Variants in MEIS1 observed in about 807,000 individuals in gnomAD.
MEIS1 encodes Meis homeobox 1, also known as homeobox protein Meis1.
MEIS1 carries 5 observed loss-of-function variants against 50.8 expected under a neutral mutation model. That is an observed-to-expected ratio of 0.10 (90% CI 0.05 to 0.21). MEIS1 has a LOEUF of 0.21. MEIS1 is among the 10% of genes least tolerant of loss of function. The pLI is 1.00. For synonymous variants in MEIS1, 176 were observed against 179.3 expected, an observed-to-expected ratio of 0.98 and a Z score of 0.15; for missense variants, 318 against 517.3, an observed-to-expected ratio of 0.61 and a Z score of 3.74.
At chr2:66,540,863 T>C (rs1012610134) in intron 8 of MEIS1, among the ~76,000 whole-genome samples, 3 of 152,230 alleles carry the variant, frequency 2.0e-5, no homozygotes, top group East Asian at 3.9e-4. Flanking sequence ...TTTATAAATT[T>C]GTAAGCAACT....
chr2:66,554,798 C>T (rs1675014310), intron 9 of MEIS1, among the ~76,000 whole-genome samples: 1 of 151,932 alleles, frequency 6.6e-6, no homozygotes. Context: ...GATAAGGAGA[C>T]AAACAGAGAA....
intron 6 of MEIS1, 72 bp from the exon 7 acceptor site, chr2:66,464,034 CATT>C (rs1439206184): frequency 9.4e-7 from 1 of 1,067,902 alleles, no homozygotes; most frequent in African/African-American, 1.6e-5. Flanking sequence ...ATGGCTTTGT[CATT>C]ATGCCATGGG....
intron 7 of MEIS1, among the ~76,000 whole-genome samples, chr2:66,472,379 T>C (rs1214987818): frequency 1.3e-5 from 2 of 152,312 alleles, no homozygotes; most frequent in East Asian, 3.9e-4. Flanking sequence ...TCATGAGTTG[T>C]GTTTAAGCGG....
At chr2:66,454,532 G>T (rs1322374299) in intron 6 of MEIS1, among the ~76,000 whole-genome samples, 3 of 151,904 alleles carry the variant, frequency 2.0e-5, no homozygotes, top group Non-Finnish European at 4.4e-5. Flanking sequence ...TCATGCTGAG[G>T]TCTTGTTGCT....
In MEIS1 at chr2:66,512,221, G is replaced by C; in HGVS notation, c.815G>C (p.Arg272Pro). 6.2e-7 allele frequency: 1 copy of C among 1,612,514 alleles called. No individual in the cohort carries two copies. The highest frequency in any genetic ancestry group is 8.5e-7 in the Non-Finnish European group (1 of 1,179,394). Residue 272 changes from arginine to proline, a missense_variant, in exon 8 of 13, where the codon CGT (arginine) becomes CCT (proline). This residue lies in a region of MEIS1 where 40 missense variants were observed against 102.8 expected (regional missense o/e 0.39). Transcript: ENST00000272369. ...GATGACCCTGATAAGGACAAAAAGC[G>C]TCACAAAAAGCGTGGCATCTTTCCC... ...DDDDPDKDKK[R>P]HKKRGIFPKV... is the part of the protein sequence containing the mutation.
chr2:66,501,695 A>G (rs1226637522), intron 7 of MEIS1, among the ~76,000 whole-genome samples: 1 of 152,126 alleles, frequency 6.6e-6, no homozygotes, highest in Admixed American at 6.5e-5. Flanking sequence ...TTCCTGGTGT[A>G]TGTTGTATGT....
intron 8 of MEIS1, among the ~76,000 whole-genome samples, chr2:66,531,375 GTC>G (rs1360652947): frequency 6.6e-6 from 1 of 152,232 alleles, no homozygotes; most frequent in Admixed American, 6.5e-5. Context: ...CTCATGTGAA[GTC>G]TCTGTTTAAA....
chr2:66,564,771 G>T, intron 9 of MEIS1, among the ~76,000 whole-genome samples: 1 of 150,946 alleles, frequency 6.6e-6, no homozygotes, highest in East Asian at 2.0e-4. Flanking sequence ...TGTGCACAAC[G>T]TGCAGGTTTG....
chr2:66,494,610 C>T (rs1171234638), intron 7 of MEIS1, among the ~76,000 whole-genome samples: 1 of 152,180 alleles, frequency 6.6e-6, no homozygotes, highest in South Asian at 2.1e-4. Context: ...AGCTATAATT[C>T]GCACATGGAA....
rs532646932 is a variant in MEIS1 at position 66,514,391 on chromosome 2, C to T, written c.888+2097C>T. Among the ~76,000 whole-genome samples the T allele has an allele frequency of 2.6e-5, 4 of 152,314 alleles. No homozygotes were observed. In the South Asian group the frequency reaches 8.3e-4, roughly 32 times the overall value. On this transcript the variant is annotated intron_variant, in intron 8 of 12. Transcript: ENST00000272369. Reference sequence around the variant, plus strand: ...CTTTCTAACAGCCCGCATGATTTTACATGCATTGCATTGCTTATATGGACT... The same window carrying T: ...CTTTCTAACAGCCCGCATGATTTTATATGCATTGCATTGCTTATATGGACT...
chr2:66,521,153 A>G (rs964420498), intron 8 of MEIS1, among the ~76,000 whole-genome samples: 3 of 152,192 alleles, frequency 2.0e-5, no homozygotes, highest in African/African-American at 7.2e-5. Context: ...ATCTGTTGAT[A>G]TTTTGTGACA....
intron 8 of MEIS1, among the ~76,000 whole-genome samples, chr2:66,521,429 T>C (rs550196891): frequency 3.8e-4 from 58 of 152,118 alleles, no homozygotes; most frequent in Non-Finnish European, 6.8e-4. Context: ...TTTATGGAGA[T>C]AGAGGAAACT....
chr2:66,552,438 G>C (rs1286177892), intron 9 of MEIS1, among the ~76,000 whole-genome samples: 1 of 152,138 alleles, frequency 6.6e-6, no homozygotes, highest in Non-Finnish European at 1.5e-5. Flanking sequence ...TTTATATATA[G>C]AGAAAAATTA....
intron 7 of MEIS1, among the ~76,000 whole-genome samples, chr2:66,478,970 A>G (rs575508276): frequency 7.9e-5 from 12 of 152,348 alleles, no homozygotes; most frequent in African/African-American, 2.9e-4. Flanking sequence ...AATGGTGGGA[A>G]TTGTCTGGCA....
intron 8 of MEIS1, among the ~76,000 whole-genome samples, chr2:66,521,576 A>G (rs990589640): frequency 4.6e-5 from 7 of 152,182 alleles, no homozygotes; most frequent in Non-Finnish European, 1.0e-4. Flanking sequence ...AGCTAGTAAT[A>G]ACCAGAATCC....
At chr2:66,556,359 G>T (rs1180463382) in intron 9 of MEIS1, among the ~76,000 whole-genome samples, 1 of 152,134 alleles carries the variant, frequency 6.6e-6, no homozygotes. Flanking sequence ...GTTGAAGAAG[G>T]GGAAAAGTAT....
At chr2:66,536,938 G>A (rs1459490690) in intron 8 of MEIS1, among the ~76,000 whole-genome samples, 1 of 152,126 alleles carries the variant, frequency 6.6e-6, no homozygotes, top group Non-Finnish European at 1.5e-5. Context: ...ACAAAGGGGG[G>A]AAATCATTAA....
rs1675507035 is a variant in MEIS1 at position 66,572,585 on chromosome 2, C to A, written c.*1377C>A. The A allele has an allele frequency of 6.6e-6, 1 of 151,900 alleles. No individual in the cohort carries two copies. Among genetic ancestry groups the A allele is most frequent in the Non-Finnish European group, 1.5e-5 (1 of 68,010 alleles). 9.4% of individuals were successfully genotyped at this position (151,900 alleles called of 1,614,324 possible). On this transcript the variant is annotated 3_prime_UTR_variant, in exon 13 of 13. Transcript: ENST00000272369. The stretch of plus-strand genomic sequence containing the variant: ...TGGATAAACAAATGCTTGTTGATAG[C>A]CTTTTTCTATCAAGAAACCAAGGAG...
At chr2:66,520,522 A>G (rs1227182548) in intron 8 of MEIS1, among the ~76,000 whole-genome samples, 1 of 152,046 alleles carries the variant, frequency 6.6e-6, no homozygotes, top group African/African-American at 2.4e-5. Flanking sequence ...TCAAGGGGGA[A>G]GAACTTCACA....
Sources: gnomAD v4.1 joint callset for allele counts (sites outside exome capture counted in the v4.1 genomes callset) on GRCh38, gnomAD v4.1.1 for gene constraint, gnomAD v4.1.1 regional missense constraint, MANE v1.5 for transcripts, NCBI Gene and HGNC (gene_info 2026-07-23, HGNC 2026-07-21) for gene names.